The following ARHGEF9 variants were observed in gnomAD, a reference collection of about 807,000 sequenced individuals.
ARHGEF9 encodes the protein Cdc42 guanine nucleotide exchange factor 9, also known as rho guanine nucleotide exchange factor 9.
In ARHGEF9, 2 loss-of-function variants were observed where a neutral mutation model predicts 41.3. The observed-to-expected ratio is 0.05, with a 90% CI of 0.02 to 0.15. The LOEUF (loss-of-function observed/expected upper bound fraction) is 0.15, where lower values mean the gene tolerates loss of function less well. Among genes scored for constraint, ARHGEF9 ranks in the 10% least tolerant of loss-of-function variants. ARHGEF9 has a pLI of 1.00. For synonymous variants in ARHGEF9, 160 were observed against 154.4 expected (o/e 1.04, Z -0.27); for missense variants, 225 against 424.7 (o/e 0.53, Z 4.13).
chrX:63,668,197 G>A (rs2049702761), intron 6 of ARHGEF9, among the ~76,000 whole-genome samples: 4 of 109,956 alleles, frequency 3.6e-5, no homozygotes, highest in East Asian at 2.9e-4. Flanking sequence ...ATAGTGGCAC[G>A]ATCTCGGCTC....
rs1398458342 is a variant in ARHGEF9 at position 63,742,453 on chromosome X, A to G, written c.31-17742T>C. On this transcript the variant is annotated intron_variant, in intron 1 of 9. Coordinates refer to ENST00000671741, the MANE Select transcript of ARHGEF9 (RefSeq NM_001353921.2). Reference sequence around the variant, plus strand: ...TTAGCACCTGCAGATGTCTCATCCCAGCTAGGCCCCCTCTAACCCTCAGCA... The same window carrying G: ...TTAGCACCTGCAGATGTCTCATCCCGGCTAGGCCCCCTCTAACCCTCAGCA... Among the ~76,000 whole-genome samples the G allele has an allele frequency of 2.7e-5, 3 of 111,510 alleles. No homozygotes were observed. In the Admixed American group the frequency reaches 2.9e-4, roughly 11 times the overall value.
intron 1 of ARHGEF9, among the ~76,000 whole-genome samples, chrX:63,751,697 A>AT (rs1602702064): frequency 8.9e-6 from 1 of 112,195 alleles, no homozygotes; most frequent in Non-Finnish European, 1.9e-5. Flanking sequence ...GAGGAATGGC[A>AT]TGGGTGATAC....
chrX:63,762,525 A>T (rs2056051408), intron 1 of ARHGEF9, among the ~76,000 whole-genome samples: 1 of 111,196 alleles, frequency 9.0e-6, no homozygotes, highest in African/African-American at 3.3e-5. Flanking sequence ...GACATCCCCA[A>T]ATATTGGTAA....
At chrX:63,780,962 G>A (rs1166525258) in intron 1 of ARHGEF9, among the ~76,000 whole-genome samples, 1 of 111,570 alleles carries the variant, frequency 9.0e-6, no homozygotes, top group East Asian at 2.8e-4. Context: ...TAATAACATA[G>A]TGATTATAAA....
chrX:63,664,368 T>C (rs1352052287), intron 7 of ARHGEF9, among the ~76,000 whole-genome samples: 3 of 112,579 alleles, frequency 2.7e-5, no homozygotes, highest in Non-Finnish European at 5.6e-5. Flanking sequence ...GTTAAAGTAA[T>C]CCCAGCCTTG....
intron 2 of ARHGEF9, among the ~76,000 whole-genome samples, chrX:63,707,241 G>A (rs2052604416): frequency 9.2e-6 from 1 of 109,059 alleles, no homozygotes; most frequent in Admixed American, 9.9e-5. Flanking sequence ...AGGAAGACAG[G>A]AAAAGAAAAG....
Position 63,744,775 on chromosome X carries a change from C to T in ARHGEF9, c.31-20064G>A, listed in dbSNP as rs782712337. On this transcript the variant is annotated intron_variant, in intron 1 of 9. Coordinates refer to ENST00000671741, the MANE Select transcript of ARHGEF9 (RefSeq NM_001353921.2). ...TTAATCCAAGTAGAGTGTAAGTCTT[C>T]CCATGCAGTTCAGTCTAAATTTACA... Among the ~76,000 whole-genome samples the T allele has an allele frequency of 2.7e-5, 3 of 112,285 alleles. No homozygotes were observed. The South Asian group carries it at 1.1e-3, about 42-fold the overall frequency.
intron 3 of ARHGEF9, chrX:63,703,024 C>T (rs1556397482): frequency 3.6e-5 from 4 of 111,852 alleles, no homozygotes; most frequent in African/African-American, 1.3e-4. Context: ...AAACCATTCG[C>T]TCCTCACAGC....
chrX:63,655,012 T>C (rs1456054381), intron 8 of ARHGEF9, among the ~76,000 whole-genome samples: 2 of 112,540 alleles, frequency 1.8e-5, no homozygotes, highest in Non-Finnish European at 3.8e-5. Context: ...TTTTAAGTCC[T>C]GTTATATTTT....
intron 1 of ARHGEF9, among the ~76,000 whole-genome samples, chrX:63,772,871 G>A (rs781926799): frequency 9.0e-6 from 1 of 111,406 alleles, no homozygotes; most frequent in South Asian, 3.8e-4. Flanking sequence ...GAAGCCCTTT[G>A]CATATGCTAT....
At chrX:63,693,725 C>T (rs113628991) in intron 4 of ARHGEF9, among the ~76,000 whole-genome samples, 2,702 of 107,090 alleles carry the variant, frequency 0.025, 79 homozygotes, top group African/African-American at 0.087. Flanking sequence ...ACACTTAAAA[C>T]GGGAAAAATA....
At chrX:63,774,471 C>T (rs185019361) in intron 1 of ARHGEF9, among the ~76,000 whole-genome samples, 85 of 111,926 alleles carry the variant, frequency 7.6e-4, no homozygotes, top group African/African-American at 2.7e-3. Flanking sequence ...ATCATGTATC[C>T]TTTCTACCAA....
At chrX:63,720,515 C>T (rs192164098) in intron 2 of ARHGEF9, among the ~76,000 whole-genome samples, 41 of 112,015 alleles carry the variant, frequency 3.7e-4, no homozygotes, top group African/African-American at 1.3e-3. Context: ...GAACATGTGA[C>T]CTATTCACAG....
intron 1 of ARHGEF9, among the ~76,000 whole-genome samples, chrX:63,729,532 G>A (rs1238230832): frequency 1.8e-5 from 2 of 111,952 alleles, no homozygotes; most frequent in African/African-American, 6.5e-5. Flanking sequence ...GGCCATTTGG[G>A]AGTAGCTATA....
At chrX:63,770,668 C>T (rs2056189963) in intron 1 of ARHGEF9, among the ~76,000 whole-genome samples, 1 of 111,925 alleles carries the variant, frequency 8.9e-6, no homozygotes, top group Admixed American at 9.5e-5. Context: ...ATAATCCCTA[C>T]TTGTTCAACG....
intron 1 of ARHGEF9, among the ~76,000 whole-genome samples, chrX:63,769,154 A>G (rs1309045903): frequency 1.8e-5 from 2 of 112,278 alleles, no homozygotes; most frequent in African/African-American, 6.5e-5. Flanking sequence ...AATATGAACA[A>G]TAAAGTCCAG....
Position 63,783,806 on chromosome X carries a change from T to C in ARHGEF9, c.30+1310A>G, listed in dbSNP as rs1456620822. On this transcript the variant is annotated intron_variant, in intron 1 of 9. Transcript: ENST00000671741. Reference sequence around the variant, plus strand: ...GCTGGACAGCAAGGACTCTAAGGTCTTTACCTGCTCTAATCTTTTCTGGTT... The same window carrying C: ...GCTGGACAGCAAGGACTCTAAGGTCCTTACCTGCTCTAATCTTTTCTGGTT... 2.7e-5 allele frequency among the ~76,000 whole-genome samples: 3 copies of C among 111,714 alleles called. No individual in the cohort carries two copies. In the East Asian group the frequency reaches 8.5e-4, roughly 32 times the overall value.
At chrX:63,702,550 C>A (rs1481812186) in intron 3 of ARHGEF9, among the ~76,000 whole-genome samples, 1 of 112,166 alleles carries the variant, frequency 8.9e-6, no homozygotes, top group Non-Finnish European at 1.9e-5. Flanking sequence ...GTTTGTAAAG[C>A]ACTTTCTGCT....
intron 1 of ARHGEF9, among the ~76,000 whole-genome samples, chrX:63,769,639 C>G (rs1301867109): frequency 9.0e-6 from 1 of 111,306 alleles, no homozygotes; most frequent in East Asian, 2.8e-4. Flanking sequence ...GGCCCAGGGT[C>G]CCTCTGCTGT....
Sources: allele counts gnomAD v4.1 joint callset (sites outside exome capture counted in the v4.1 genomes callset), GRCh38; gene constraint gnomAD v4.1.1; transcripts MANE v1.5; gene names NCBI Gene and HGNC (gene_info 2026-07-23, HGNC 2026-07-21).